The following PARP16 variants were observed in gnomAD, a reference collection of about 807,000 sequenced individuals.
PARP16 encodes protein mono-ADP-ribosyltransferase PARP16.
PARP16 carries 31 observed loss-of-function variants against 35.0 expected under a neutral mutation model. That is an observed-to-expected ratio of 0.88 (90% CI 0.66 to 1.19). The LOEUF (loss-of-function observed/expected upper bound fraction) is 1.19. Ranked by LOEUF, PARP16 falls within the 50% of genes most tolerant of loss-of-function variation. PARP16 has a pLI of 0.00. For synonymous variants in PARP16, 162 were observed against 169.5 expected, an observed-to-expected ratio of 0.96 and a Z score of 0.34; for missense variants, 424 against 411.2, an observed-to-expected ratio of 1.03 and a Z score of -0.27.
intron 3 of PARP16, among the ~76,000 whole-genome samples, chr15:65,238,503 T>A (rs2088952848): frequency 6.6e-6 from 1 of 152,158 alleles, no homozygotes; most frequent in South Asian, 2.1e-4. Context: ...CTCATGCAGT[T>A]TATCCAAACT....
At chr15:65,275,390 A>G (rs2090223600) in intron 1 of PARP16, among the ~76,000 whole-genome samples, 1 of 152,056 alleles carries the variant, frequency 6.6e-6, no homozygotes, top group African/African-American at 2.4e-5. Flanking sequence ...TGTGACCTTT[A>G]GTGAGATGTT....
intron 4 of PARP16, 66 bp downstream of exon 4, chr15:65,263,083 G>T: frequency 4.1e-6 from 6 of 1,465,646 alleles, no homozygotes; most frequent in Non-Finnish European, 5.7e-6. Context: ...CCAACAGCTG[G>T]GCCAGCAAGA....
At chr15:65,277,595 C>G (rs4776679) in intron 1 of PARP16, among the ~76,000 whole-genome samples, 61,228 of 152,134 alleles carry the variant, frequency 0.4, 13,997 homozygotes, top group East Asian at 0.86. Flanking sequence ...CTTGGAGATG[C>G]TCAGCACCTT....
chr15:65,251,766 CGTTT>C (rs1378801917), intron 2 of PARP16, among the ~76,000 whole-genome samples: 1 of 149,350 alleles, frequency 6.7e-6, no homozygotes, highest in Non-Finnish European at 1.5e-5. Context: ...TTTTTTTGTT[CGTTT>C]GTTTGCTTTT....
chr15:65,236,768 C>T (rs759859495), intron 3 of PARP16, among the ~76,000 whole-genome samples: 1 of 152,036 alleles, frequency 6.6e-6, no homozygotes, highest in Non-Finnish European at 1.5e-5. Context: ...GTCAAGAGAT[C>T]GAGACCATCC....
intron 1 of PARP16, among the ~76,000 whole-genome samples, chr15:65,273,966 T>G (rs1226095903): frequency 6.6e-6 from 1 of 152,026 alleles, no homozygotes; most frequent in Non-Finnish European, 1.5e-5. Flanking sequence ...GAAAAAATTT[T>G]TTTGGAGACA....
downstream of PARP16, among the ~76,000 whole-genome samples, chr15:65,231,172 G>A (rs2088775160): frequency 6.6e-6 from 1 of 152,074 alleles, no homozygotes; most frequent in Non-Finnish European, 1.5e-5. Context: ...ACAGGCGTGA[G>A]CCACCATGCC....
chr15:65,271,786 T>C (rs1050133405), intron 1 of PARP16, among the ~76,000 whole-genome samples: 7 of 152,202 alleles, frequency 4.6e-5, no homozygotes, highest in African/African-American at 1.2e-4. Flanking sequence ...TACAAAGCCT[T>C]TTCCTTTCTG....
At chr15:65,271,096 T>A (rs759084635) in intron 1 of PARP16, 24 bp from the exon 2 acceptor site, 2 of 1,613,554 alleles carry the variant, frequency 1.2e-6, no homozygotes, top group South Asian at 2.2e-5. Context: ...AGAACTTCCA[T>A]TAGCAAGGAT....
At position 65,266,283 on chromosome 15, in the gene PARP16, C is replaced by T. The variant is rs147522924; in HGVS notation, c.519+279G>A. Among the ~76,000 whole-genome samples the T allele has an allele frequency of 8.3e-4, 127 of 152,254 alleles. 1 individual carries two copies. The highest frequency in any genetic ancestry group is 2.9e-3 in the African/African-American group (121 of 41,548). ...AGGTCGGGAACTATCTTTAAATCGA[C>T]GCTTTTCAAACTATAACCAGTGCAG... On this transcript the variant is annotated intron_variant, in intron 3 of 5. Coordinates refer to ENST00000649807, the MANE Select transcript of PARP16 (RefSeq NM_001316943.2).
chr15:65,276,603 G>T (rs2090264527), intron 1 of PARP16, among the ~76,000 whole-genome samples: 1 of 152,106 alleles, frequency 6.6e-6, no homozygotes, highest in African/African-American at 2.4e-5. Flanking sequence ...CCGGGCTCAT[G>T]CAATCCACCA....
intron 3 of PARP16, among the ~76,000 whole-genome samples, chr15:65,235,537 C>G (rs1384166162): frequency 6.6e-6 from 1 of 150,586 alleles, no homozygotes; most frequent in African/African-American, 2.5e-5. Flanking sequence ...GGCATGGTGG[C>G]TCATATCTGT....
At chr15:65,232,580 A>C (rs2088790774), downstream of PARP16, among the ~76,000 whole-genome samples, 1 of 152,142 alleles carries the variant, frequency 6.6e-6, no homozygotes, top group Non-Finnish European at 1.5e-5. Flanking sequence ...GAGACCATGA[A>C]AATTCAAGTT....
chr15:65,273,934 G>A (rs1017259016), intron 1 of PARP16, among the ~76,000 whole-genome samples: 1 of 150,720 alleles, frequency 6.6e-6, no homozygotes, highest in South Asian at 2.1e-4. Context: ...AGGTATCAGT[G>A]AAAATCTAAT....
downstream of PARP16, among the ~76,000 whole-genome samples, chr15:65,233,290 T>G (rs746524200): frequency 2.6e-5 from 4 of 152,004 alleles, no homozygotes; most frequent in Non-Finnish European, 5.9e-5. Flanking sequence ...TAGTCCCAGC[T>G]GCTAGGGAGG....
chr15:65,249,991 G>C (rs1024523175), intron 2 of PARP16, among the ~76,000 whole-genome samples: 2 of 152,116 alleles, frequency 1.3e-5, no homozygotes, highest in Non-Finnish European at 2.9e-5. Context: ...AGTCTGGAAA[G>C]GGAACTCGTT....
intron 1 of PARP16, among the ~76,000 whole-genome samples, chr15:65,276,120 C>A (rs915064489): frequency 2.1e-4 from 32 of 152,182 alleles, no homozygotes; most frequent in African/African-American, 7.7e-4. Flanking sequence ...GCCCTCCTTG[C>A]TCCCCACCAT....
intron 3 of PARP16, among the ~76,000 whole-genome samples, chr15:65,240,170 G>A (rs906748177): frequency 6.6e-6 from 1 of 151,298 alleles, no homozygotes. Flanking sequence ...TTGAGACAGA[G>A]TCTCGCTCTG....
At chr15:65,260,721 C>G (rs1596011943) in intron 5 of PARP16, among the ~76,000 whole-genome samples, 164 bp downstream of exon 5, 1 of 152,244 alleles carries the variant, frequency 6.6e-6, no homozygotes, top group South Asian at 2.1e-4. Context: ...GGGACCACAT[C>G]TTCTCCAGAT....
Sources: allele counts gnomAD v4.1 joint callset (sites outside exome capture counted in the v4.1 genomes callset), GRCh38; gene constraint gnomAD v4.1.1; transcripts MANE v1.5; gene names NCBI Gene and HGNC (gene_info 2026-07-23, HGNC 2026-07-21).